Variants in TRIB2 observed in about 807,000 individuals in gnomAD.
TRIB2 encodes tribbles pseudokinase 2, also known as tribbles homolog 2.
Under a neutral mutation model 26.8 loss-of-function variants are expected in TRIB2, and 2 were observed. The ratio of observed to expected loss-of-function variants is 0.07; its 90% CI spans 0.03 to 0.24. The LOEUF (loss-of-function observed/expected upper bound fraction) is 0.24. Ranked by LOEUF, TRIB2 falls within the 10% of genes least tolerant of loss-of-function variation. TRIB2 has a pLI of 1.00. For synonymous variants in TRIB2, 189 were observed against 187.3 expected (o/e 1.01, Z -0.08); for missense variants, 306 against 449.0 (o/e 0.68, Z 2.88).
chr2:12,723,412 C>T lies in TRIB2; in HGVS notation c.423C>T (p.Val141=), dbSNP rs1197717128. The T allele has an allele frequency of 6.2e-7, 1 of 1,614,252 alleles. No homozygotes were observed. The highest frequency in any genetic ancestry group is 8.5e-7 in the Non-Finnish European group (1 of 1,180,054). ...ERSYGDMHSF[V]RTCKKLREEE... Reference sequence around the variant, plus strand: ...GCTATGGGGACATGCATTCCTTCGTCCGCACCTGCAAGAAGCTGAGAGAGG... The same window carrying T: ...GCTATGGGGACATGCATTCCTTCGTTCGCACCTGCAAGAAGCTGAGAGAGG... Residue 141 remains valine (V), a synonymous_variant, in exon 2 of 3, where the codon GTC becomes GTT. Transcript: ENST00000155926.
chr2:12,720,810 T>A (rs1661198199), intron 1 of TRIB2, among the ~76,000 whole-genome samples: 1 of 152,242 alleles, frequency 6.6e-6, no homozygotes, highest in Non-Finnish European at 1.5e-5. Flanking sequence ...TGTCTCCATG[T>A]ACCTACTTTT....
At chr2:12,724,857 C>T (rs767986237) in intron 2 of TRIB2, 2 of 1,599,426 alleles carry the variant, frequency 1.3e-6, no homozygotes, top group Admixed American at 1.7e-5. Flanking sequence ...TATATGTTGA[C>T]CCCCAACGAT....
intron 2 of TRIB2, among the ~76,000 whole-genome samples, chr2:12,739,489 C>T (rs1475155023): frequency 1.3e-5 from 1 of 75,906 alleles, no homozygotes; most frequent in Non-Finnish European, 3.0e-5. Context: ...TGAACTCACC[C>T]GCCTTGGCCT....
chr2:12,740,960 C>A lies in TRIB2; in HGVS notation c.*166C>A. On this transcript the variant is annotated 3_prime_UTR_variant, in exon 3 of 3. Coordinates refer to ENST00000155926, the MANE Select transcript of TRIB2 (RefSeq NM_021643.4). This position sits in a 1 kb window ranked among gnomAD's most constrained non-coding sequence, Gnocchi z 5.8. Reference sequence around the variant, plus strand: ...TTCAAGGAGCTGACTGACCACGTAGCATGGGGGCAAGAGGCGTGGGATGGG... The same window carrying A: ...TTCAAGGAGCTGACTGACCACGTAGAATGGGGGCAAGAGGCGTGGGATGGG... 1.5e-6 allele frequency: 1 copy of A among 664,146 alleles called. No homozygotes were observed. Among genetic ancestry groups the A allele is most frequent in the African/African-American group, 1.8e-5 (1 of 55,070 alleles). The allele number at this position is 664,146 out of a possible 1,614,324, so 41.1% of individuals were successfully genotyped here.
intron 2 of TRIB2, among the ~76,000 whole-genome samples, chr2:12,738,126 C>G (rs1208305559): frequency 6.6e-6 from 1 of 152,164 alleles, no homozygotes; most frequent in African/African-American, 2.4e-5. Flanking sequence ...TTCACTAAAC[C>G]TTTTGCTGTA....
intron 2 of TRIB2, among the ~76,000 whole-genome samples, chr2:12,728,337 T>C (rs767095668): frequency 4.0e-5 from 4 of 99,478 alleles, no homozygotes; most frequent in Non-Finnish European, 7.8e-5. Context: ...CTGCACTCAG[T>C]GTCACTCTGT....
intron 1 of TRIB2, among the ~76,000 whole-genome samples, chr2:12,720,722 G>A (rs191646430): frequency 1.2e-4 from 19 of 152,284 alleles, no homozygotes; most frequent in African/African-American, 4.3e-4. Flanking sequence ...AGGGGACTGC[G>A]TAGAGAATTC....
At chr2:12,719,576 G>GTTTTTT (rs11431277) in intron 1 of TRIB2, among the ~76,000 whole-genome samples, 1 of 138,390 alleles carries the variant, frequency 7.2e-6, no homozygotes, top group Non-Finnish European at 1.5e-5. Flanking sequence ...TTTGCTGACT[G>GTTTTTT]TTTTTTTTTT....
At chr2:12,727,927 G>T (rs142225286) in intron 2 of TRIB2, among the ~76,000 whole-genome samples, 148 of 152,158 alleles carry the variant, frequency 9.7e-4, no homozygotes, top group African/African-American at 2.4e-3. Flanking sequence ...TGTGCACTCC[G>T]CCTCCCCCTC....
chr2:12,730,740 C>T (rs889791711), intron 2 of TRIB2, among the ~76,000 whole-genome samples: 1 of 152,166 alleles, frequency 6.6e-6, no homozygotes, highest in African/African-American at 2.4e-5. Context: ...TACAAATAGC[C>T]CCTTATGTCC....
rs1197570403 is a variant in TRIB2 at position 12,726,197 on chromosome 2, C to CT, written c.563+2651dup. 3.3e-5 allele frequency among the ~76,000 whole-genome samples: 5 copies of CT among 151,936 alleles called. No individual in the cohort carries two copies. The East Asian group carries it at 9.6e-4, about 29-fold the overall frequency. On this transcript the variant is annotated intron_variant, in intron 2 of 2. Transcript: ENST00000155926. Reference sequence around the variant, plus strand: ...TCAGCAGTAGCTGATTGATAAAGAGCTTTTTTGTTTTTCTAAAATCCAACT... The same window carrying CT: ...TCAGCAGTAGCTGATTGATAAAGAGCTTTTTTTGTTTTTCTAAAATCCAACT...
rs775130378 is a variant in TRIB2, at chr2:12,718,628, G to A, written c.270+51G>A. ...GTCTTTGGAAGGGGCCCGAGGGAGC[G>A]GGAGGGCGCCAGGCCCTCGAGTCTG... On this transcript the variant is annotated intron_variant, in intron 1 of 2. Transcript: ENST00000155926. The surrounding 1 kb of genome is among the most constrained non-coding windows in gnomAD (Gnocchi z 4.0). 3 of 1,589,630 alleles carry A rather than the reference G, an allele frequency of 1.9e-6. No homozygotes were observed. Among genetic ancestry groups the A allele is most frequent in the African/African-American group, 1.3e-5 (1 of 74,166 alleles).
chr2:12,723,170 AAGCCCAT>A, intron 1 of TRIB2, 83 bp from the exon 2 acceptor site: 2 of 1,413,428 alleles, frequency 1.4e-6, no homozygotes, highest in South Asian at 2.7e-5. Context: ...GTCATCTCAA[AAGCCCAT>A]ACCTGTGGGA....
At chr2:12,722,152 TATTTCCTACCAC>T (rs1386408379) in intron 1 of TRIB2, among the ~76,000 whole-genome samples, 1 of 152,188 alleles carries the variant, frequency 6.6e-6, no homozygotes, top group Non-Finnish European at 1.5e-5. Context: ...CAGTCCAGCA[TATTTCCTACCAC>T]ACTGCAAAAT....
Position 12,718,111 on chromosome 2 carries a change from G to T in TRIB2, c.-197G>T. On this transcript the variant is annotated 5_prime_UTR_variant, in exon 1 of 3. Coordinates refer to ENST00000155926, the MANE Select transcript of TRIB2 (RefSeq NM_021643.4). This position sits in a 1 kb window ranked among gnomAD's most constrained non-coding sequence, Gnocchi z 4.0. The stretch of plus-strand genomic sequence containing the variant: ...TGCCGACCGAGGACCCCCGGGAGCC[G>T]GGCTCGGAGCAGACGAGGTATCCGG... The T allele has an allele frequency of 1.4e-6, 1 of 717,170 alleles. No homozygotes were observed. The highest frequency in any genetic ancestry group is 2.2e-6 in the Non-Finnish European group (1 of 454,950). The allele number at this position is 717,170 out of a possible 1,614,324, so 44.4% of individuals were successfully genotyped here.
intron 2 of TRIB2, chr2:12,724,726 C>G (rs373317792): frequency 7.4e-6 from 12 of 1,612,778 alleles, no homozygotes; most frequent in African/African-American, 5.3e-5. Context: ...CCACCCTCCC[C>G]CTACCAGCCT....
intron 1 of TRIB2, among the ~76,000 whole-genome samples, chr2:12,722,434 G>A (rs1008365824): frequency 2.0e-5 from 3 of 152,282 alleles, no homozygotes; most frequent in East Asian, 1.9e-4. Flanking sequence ...GAATGAAAGC[G>A]CCTTTTATAT....
intron 2 of TRIB2, among the ~76,000 whole-genome samples, chr2:12,728,828 G>T (rs995873257): frequency 6.6e-6 from 1 of 152,024 alleles, no homozygotes; most frequent in Non-Finnish European, 1.5e-5. Flanking sequence ...CACCAACAGA[G>T]GTCAAGGCAC....
intron 2 of TRIB2, among the ~76,000 whole-genome samples, chr2:12,735,504 C>CTGCCT (rs1329233360): frequency 6.6e-6 from 1 of 152,120 alleles, no homozygotes; most frequent in Non-Finnish European, 1.5e-5. Flanking sequence ...CACCCAGCCA[C>CTGCCT]TGCCTTGCCT....
Sources: allele counts gnomAD v4.1 joint callset (sites outside exome capture counted in the v4.1 genomes callset), GRCh38; gene constraint gnomAD v4.1.1; non-coding constraint Gnocchi (gnomAD v3.1); transcripts MANE v1.5; gene names NCBI Gene and HGNC (gene_info 2026-07-23, HGNC 2026-07-21).